The following SUDS3 variants were observed in gnomAD, a reference collection of about 807,000 sequenced individuals.
SUDS3 encodes sin3 histone deacetylase corepressor complex component SDS3.
Under a neutral mutation model 53.5 loss-of-function variants are expected in SUDS3, and 23 were observed. That is an observed-to-expected ratio of 0.43 (90% CI 0.31 to 0.61). The LOEUF (loss-of-function observed/expected upper bound fraction) is 0.61, where lower values mean the gene tolerates loss of function less well. Ranked by LOEUF, SUDS3 falls within the 20% of genes least tolerant of loss-of-function variation. The pLI, the probability that SUDS3 is intolerant of heterozygous loss-of-function variation, is 0.10. For synonymous variants in SUDS3, 150 were observed against 148.5 expected (o/e 1.01, Z -0.08); for missense variants, 291 against 405.9 (o/e 0.72, Z 2.43).
At chr12:118,395,382 C>T (rs187700935) in intron 6 of SUDS3, among the ~76,000 whole-genome samples, 5 of 151,834 alleles carry the variant, frequency 3.3e-5, no homozygotes, top group African/African-American at 7.2e-5. Flanking sequence ...CCCACCACCA[C>T]GCCTAGCTAA....
chr12:118,387,701 G>C (rs959569724), intron 4 of SUDS3, among the ~76,000 whole-genome samples: 2 of 152,044 alleles, frequency 1.3e-5, no homozygotes, highest in Admixed American at 6.6e-5. Context: ...ACAGGCGCCT[G>C]CCACCACACC....
intron 4 of SUDS3, among the ~76,000 whole-genome samples, chr12:118,389,089 C>T (rs1228916346): frequency 6.6e-6 from 1 of 152,086 alleles, no homozygotes; most frequent in Non-Finnish European, 1.5e-5. Context: ...GTGGAAGTTG[C>T]TGTGAGTCGA....
At chr12:118,379,056 C>T (rs1025305571) in intron 1 of SUDS3, among the ~76,000 whole-genome samples, 3 of 151,218 alleles carry the variant, frequency 2.0e-5, no homozygotes, top group African/African-American at 7.3e-5. Context: ...AGGTGATTCT[C>T]CTGCTTTGGC....
chr12:118,382,001 G>A (rs7968011), intron 2 of SUDS3, among the ~76,000 whole-genome samples: 17,462 of 151,742 alleles, frequency 0.12, 1,266 homozygotes, highest in Middle Eastern at 0.19. Flanking sequence ...ACTCAAAGGG[G>A]TAATTCAGCT....
At chr12:118,413,823 A>T (rs374756949) in intron 11 of SUDS3, among the ~76,000 whole-genome samples, 10 of 152,208 alleles carry the variant, frequency 6.6e-5, no homozygotes, top group African/African-American at 2.4e-4. Flanking sequence ...GCCTTAGCTC[A>T]TTAGTGGGCA....
At chr12:118,391,313 G>A (rs1769565120) in intron 6 of SUDS3, 31 bp downstream of exon 6, 1 of 1,584,636 alleles carries the variant, frequency 6.3e-7, no homozygotes, top group Non-Finnish European at 8.6e-7. Context: ...GGGATCTTGG[G>A]GGCCCTGAGC....
chr12:118,389,257 G>T (rs952592765), intron 4 of SUDS3, among the ~76,000 whole-genome samples: 5 of 151,822 alleles, frequency 3.3e-5, no homozygotes, highest in Non-Finnish European at 7.4e-5. Context: ...GCCCCAGCCC[G>T]TGGGAGAATT....
At chr12:118,411,487 GCTT>G (rs2046358838) in intron 11 of SUDS3, among the ~76,000 whole-genome samples, 1 of 151,930 alleles carries the variant, frequency 6.6e-6, no homozygotes, top group Non-Finnish European at 1.5e-5. Context: ...TTCAACTCCT[GCTT>G]CTTTTTTTTT....
At chr12:118,395,549 T>C (rs1490335976) in intron 6 of SUDS3, among the ~76,000 whole-genome samples, 3 of 151,762 alleles carry the variant, frequency 2.0e-5, no homozygotes, top group Non-Finnish European at 2.9e-5. Context: ...TTAATGTGCT[T>C]GAGGGTGCAG....
chr12:118,400,111 A>G (rs1356582739), intron 6 of SUDS3, among the ~76,000 whole-genome samples: 4 of 152,128 alleles, frequency 2.6e-5, no homozygotes, highest in Non-Finnish European at 4.4e-5. Flanking sequence ...GTGAGCCCTC[A>G]TTGTGTCATC....
At chr12:118,410,888 C>T (rs998406012) in intron 10 of SUDS3, among the ~76,000 whole-genome samples, 185 bp from the exon 11 acceptor site, 11 of 152,140 alleles carry the variant, frequency 7.2e-5, no homozygotes, top group Non-Finnish European at 2.9e-5. Flanking sequence ...TGAGCCACCG[C>T]GCCTGGCCTC....
At position 118,376,750 on chromosome 12, in the gene SUDS3, C is replaced by T. The variant is rs544700850; in HGVS notation, c.59C>T (p.Pro20Leu). 7 of 1,543,306 alleles carry T rather than the reference C, an allele frequency of 4.5e-6. No homozygotes were observed. In the South Asian group the frequency reaches 8.4e-5, roughly 18 times the overall value. ...GCCCAGGCTGGAGCGCCGCCGGCCCCCGAGTACTACCCCGAGGAGGATGAA... is the reference window on the plus strand; with the variant it reads ...GCCCAGGCTGGAGCGCCGCCGGCCCTCGAGTACTACCCCGAGGAGGATGAA... The part of the protein sequence containing the change: ...APAQAGAPPA[P>L]EYYPEEDEEL... Residue 20 changes from proline (P) to leucine (L), a missense_variant, in exon 1 of 12, where the codon CCC (proline) becomes CTC (leucine). Transcript: ENST00000543473.
intron 4 of SUDS3, among the ~76,000 whole-genome samples, chr12:118,387,507 A>G (rs1274824577): frequency 2.6e-5 from 4 of 151,992 alleles, no homozygotes; most frequent in African/African-American, 9.7e-5. Flanking sequence ...GTGAGTATTG[A>G]GTTGTTTTTC....
At chr12:118,388,578 GCTAA>G (rs747878600) in intron 4 of SUDS3, among the ~76,000 whole-genome samples, 17 of 152,302 alleles carry the variant, frequency 1.1e-4, no homozygotes, top group Admixed American at 2.0e-4. Context: ...CATGGTAGGT[GCTAA>G]CTAAGTTGTT....
intron 10 of SUDS3, 31 bp from the exon 11 acceptor site, chr12:118,411,041 CT>C: frequency 1.3e-6 from 2 of 1,572,714 alleles, no homozygotes; most frequent in South Asian, 1.2e-5. Flanking sequence ...CTGTCCCTCC[CT>C]TTTTAAAAAT....
rs1400217965 is a variant in SUDS3 at position 118,416,194 on chromosome 12, T to C, written c.*1761T>C. The C allele has an allele frequency of 6.6e-6, 1 of 152,184 alleles. No individual in the cohort carries two copies. The highest frequency in any genetic ancestry group is 2.1e-4 in the South Asian group (1 of 4,822). The allele number at this position is 152,184 out of a possible 1,614,324, so 9.4% of individuals were successfully genotyped here. The stretch of plus-strand genomic sequence containing the variant: ...CATCACATATTGTGCAGCTGTTGGT[T>C]TTCATGTAGTGCCCTGCGATGGAAA... On this transcript the variant is annotated 3_prime_UTR_variant, in exon 12 of 12. Coordinates refer to ENST00000543473, the MANE Select transcript of SUDS3 (RefSeq NM_022491.3).
At chr12:118,389,905 T>C (rs2141369447) in intron 4 of SUDS3, 22 bp from the exon 5 acceptor site, 1 of 1,613,998 alleles carries the variant, frequency 6.2e-7, no homozygotes, top group Non-Finnish European at 8.5e-7. Context: ...GCAAATCTAA[T>C]TGCACTTTTT....
chr12:118,389,865 C>T (rs2046149835), intron 4 of SUDS3, 62 bp from the exon 5 acceptor site: 3 of 1,598,264 alleles, frequency 1.9e-6, no homozygotes, highest in Non-Finnish European at 2.6e-6. Context: ...TGAATGCTAA[C>T]ATCACTGTCT....
At chr12:118,391,860 C>G (rs1047860206) in intron 6 of SUDS3, among the ~76,000 whole-genome samples, 4 of 152,128 alleles carry the variant, frequency 2.6e-5, no homozygotes, top group African/African-American at 7.2e-5. Context: ...GATATGATTC[C>G]AACAGGATAG....
Sources: allele counts gnomAD v4.1 joint callset (sites outside exome capture counted in the v4.1 genomes callset), GRCh38; gene constraint gnomAD v4.1.1; transcripts MANE v1.5; gene names NCBI Gene and HGNC (gene_info 2026-07-23, HGNC 2026-07-21).